Variants in TAS2R41 observed in about 807,000 individuals in gnomAD.
The protein encoded by TAS2R41 is taste 2 receptor member 41, also known as taste receptor type 2 member 41.
Under a neutral mutation model 25.1 loss-of-function variants are expected in TAS2R41, and 33 were observed. The ratio of observed to expected loss-of-function variants is 1.31; its 90% CI spans 1.00 to 1.76. The LOEUF is 1.76. Ranked by LOEUF, TAS2R41 falls within the 40% of genes most tolerant of loss-of-function variation. The pLI is 0.00. For synonymous variants in TAS2R41, 151 were observed against 151.6 expected, an observed-to-expected ratio of 1.00 and a Z score of 0.03; for missense variants, 319 against 359.4, an observed-to-expected ratio of 0.89 and a Z score of 0.91.
In TAS2R41 at chr7:143,477,946, G is replaced by A. The variant is rs1807057666; in HGVS notation, c.74G>A (p.Gly25Asp). 1.2e-6 allele frequency: 2 copies of A among 1,613,984 alleles called. No homozygotes were observed. Among genetic ancestry groups the A allele is most frequent in the Admixed American group, 1.7e-5 (1 of 59,986 alleles). Residue 25 changes from glycine to aspartate, a missense_variant, in exon 1 of 1, where the codon GGC becomes GAC. Physicochemically the swap from Gly to Asp is moderately conservative, Grantham distance 94 (BLOSUM62 -1). Transcript: ENST00000408916. The surrounding 1 kb of genome is among the most constrained non-coding windows in gnomAD (Gnocchi z 4.0). ...AGTCTTCTGGGGATTGCAGCGAATG[G>A]CTTCATTGTGCTGGTGCTGGGCAGG... is the stretch of plus-strand genomic sequence containing the variant. ...LLSLLGIAANGFIVLVLGREW... is the reference protein window; with the variant it reads ...LLSLLGIAANDFIVLVLGREW...
chr7:143,478,196 T>C lies in TAS2R41; in HGVS notation c.324T>C (p.Cys108=). 6.2e-7 allele frequency: 1 copy of C among 1,614,126 alleles called. No individual in the cohort carries two copies. Among genetic ancestry groups the C allele is most frequent in the Non-Finnish European group, 8.5e-7 (1 of 1,180,024 alleles). The change falls in exon 1 of 1, where the codon TGT becomes TGC. Residue 108 remains cysteine, a synonymous_variant. Coordinates refer to ENST00000408916, the MANE Select transcript of TAS2R41 (RefSeq NM_176883.2). The part of the protein sequence containing the change: ...WFCSWLSVLF[C]VKIANITHST... ...GCAGCTGGCTCAGTGTCCTGTTCTG[T>C]GTGAAGATTGCTAACATCACACACT...
In TAS2R41 at chr7:143,478,340, T is replaced by G; in HGVS notation, c.468T>G (p.Tyr156Ter). 6.2e-7 allele frequency: 1 copy of G among 1,614,048 alleles called. No individual in the cohort carries two copies. The highest frequency in any genetic ancestry group is 8.5e-7 in the Non-Finnish European group (1 of 1,180,008). The part of the protein sequence containing the change: ...LLFFWVNYPV[Y>*]QEFLIRKFSG... ...TTTTTTGGGTGAACTACCCTGTATA[T>G]CAAGAATTTTTAATTAGAAAATTTT... The change falls in exon 1 of 1, where the codon TAT (tyrosine) becomes TAG (stop). Residue 156 changes from tyrosine to a stop codon, truncating the protein, a stop_gained. Transcript: ENST00000408916. LOFTEE classifies it high-confidence loss of function.
In TAS2R41 at chr7:143,477,900, G is replaced by C; in HGVS notation, c.28G>C (p.Val10Leu). ...GCAAGCAGCACTGACGGCCTTCTTC[G>C]TGTTGCTCTTTAGCCTGCTGAGTCT... MQAALTAFF[V>L]LLFSLLSLLG... The change falls in exon 1 of 1, where the codon GTG (valine) becomes CTG (leucine). Residue 10 changes from valine to leucine, a missense_variant. Coordinates refer to ENST00000408916, the MANE Select transcript of TAS2R41 (RefSeq NM_176883.2). The surrounding 1 kb of genome is among the most constrained non-coding windows in gnomAD (Gnocchi z 4.0). The C allele has an allele frequency of 6.2e-7, 1 of 1,614,144 alleles. No homozygotes were observed. The highest frequency in any genetic ancestry group is 8.5e-7 in the Non-Finnish European group (1 of 1,180,028).
In TAS2R41 at chr7:143,477,995, G is replaced by C. The variant is rs1361004652; in HGVS notation, c.123G>C (p.Leu41Phe). Reference protein sequence around the residue: ...LGREWLRYGRLLPLDMILISL... With the variant: ...LGREWLRYGRFLPLDMILISL... ...GGGAGTGGCTGCGATATGGCAGGTTGCTGCCCTTGGATATGATCCTCATTA... is the reference window on the plus strand; with the variant it reads ...GGGAGTGGCTGCGATATGGCAGGTTCCTGCCCTTGGATATGATCCTCATTA... Residue 41 changes from leucine (L) to phenylalanine (F), a missense_variant, in exon 1 of 1, where the codon TTG (leucine) becomes TTC (phenylalanine). Physicochemically the swap from Leu to Phe is conservative, Grantham distance 22 (BLOSUM62 0). Transcript: ENST00000408916. The surrounding 1 kb of genome is among the most constrained non-coding windows in gnomAD (Gnocchi z 4.0). 1 of 1,614,034 alleles carries C rather than the reference G, an allele frequency of 6.2e-7. No homozygotes were observed. Among genetic ancestry groups the C allele is most frequent in the Admixed American group, 1.7e-5 (1 of 60,008 alleles).
chr7:143,478,203 A>T lies in TAS2R41; in HGVS notation c.331A>T (p.Ile111Phe), dbSNP rs1475138791. Residue 111 changes from isoleucine (I) to phenylalanine (F), a missense_variant, in exon 1 of 1, where the codon ATT becomes TTT. Transcript: ENST00000408916. ...GCTCAGTGTCCTGTTCTGTGTGAAG[A>T]TTGCTAACATCACACACTCCACCTT... ...SWLSVLFCVKIANITHSTFLW... is the reference protein window; with the variant it reads ...SWLSVLFCVKFANITHSTFLW... 1.2e-6 allele frequency: 2 copies of T among 1,613,964 alleles called. No homozygotes were observed. Among genetic ancestry groups the T allele is most frequent in the Admixed American group, 3.3e-5 (2 of 60,000 alleles).
chr7:143,477,893 C>A lies in TAS2R41; in HGVS notation c.21C>A (p.Ala7=), dbSNP rs1312853791. Residue 7 remains alanine, a synonymous_variant, in exon 1 of 1, where the codon GCC becomes GCA. Transcript: ENST00000408916. The surrounding 1 kb of genome is among the most constrained non-coding windows in gnomAD (Gnocchi z 4.0). MQAALT[A]FFVLLFSLLS... ...TCAGAATGCAAGCAGCACTGACGGC[C>A]TTCTTCGTGTTGCTCTTTAGCCTGC... 6.2e-7 allele frequency: 1 copy of A among 1,614,108 alleles called. No individual in the cohort carries two copies. Among genetic ancestry groups the A allele is most frequent in the Admixed American group, 1.7e-5 (1 of 60,014 alleles).
At position 143,478,101 on chromosome 7, in the gene TAS2R41, T is replaced by C; in HGVS notation, c.229T>C (p.Ser77Pro). 1 of 1,614,106 alleles carries C rather than the reference T, an allele frequency of 6.2e-7. No homozygotes were observed. The highest frequency in any genetic ancestry group is 8.5e-7 in the Non-Finnish European group (1 of 1,180,024). ...CTACTCTGCCCAGAAGGTCGAGTAC[T>C]CTGGGGGTCTCGGCCGACAGTTCTT... The part of the protein sequence containing the change: ...FYYSAQKVEY[S>P]GGLGRQFFHL... The change falls in exon 1 of 1, where the codon TCT (serine) becomes CCT (proline). Residue 77 changes from serine to proline, a missense_variant. By Grantham distance (74) the Ser-to-Pro change is moderately conservative (BLOSUM62 -1). Transcript: ENST00000408916.
chr7:143,478,631 T>G lies in TAS2R41; in HGVS notation c.759T>G (p.Asp253Glu). The G allele has an allele frequency of 6.2e-7, 1 of 1,614,154 alleles. No individual in the cohort carries two copies. Among genetic ancestry groups the G allele is most frequent in the Non-Finnish European group, 8.5e-7 (1 of 1,180,028 alleles). The change falls in exon 1 of 1, where the codon GAT (aspartate) becomes GAG (glutamate). Residue 253 changes from aspartate (D) to glutamate (E), a missense_variant. By Grantham distance (45) the Asp-to-Glu change is conservative. Transcript: ENST00000408916. The stretch of plus-strand genomic sequence containing the variant: ...TGTCCTTTCTGTCCCTGATCATTGA[T>G]GCCGCAAAATTTATCTCCATGCAGA... ...YALSFLSLII[D>E]AAKFISMQND...
chr7:143,478,417 C>T lies in TAS2R41; in HGVS notation c.545C>T (p.Pro182Leu), dbSNP rs376183604. 12 of 1,613,894 alleles carry T rather than the reference C, an allele frequency of 7.4e-6. No homozygotes were observed. The highest frequency in any genetic ancestry group is 5.0e-5 in the Admixed American group (3 of 59,994). The change falls in exon 1 of 1, where the codon CCA (proline) becomes CTA (leucine). Residue 182 changes from proline (P) to leucine (L), a missense_variant. Transcript: ENST00000408916. Reference sequence around the variant, plus strand: ...ACAAGGATAGAAACATACTATTTCCCATCCCTGAAACTGGTCATCTGGTCA... The same window carrying T: ...ACAAGGATAGAAACATACTATTTCCTATCCCTGAAACTGGTCATCTGGTCA... ...WNTRIETYYF[P>L]SLKLVIWSIP...
In TAS2R41 at chr7:143,478,583, C is replaced by G. The variant is rs760958210; in HGVS notation, c.711C>G (p.Ile237Met). Residue 237 changes from isoleucine to methionine, a missense_variant, in exon 1 of 1, where the codon ATC becomes ATG. Transcript: ENST00000408916. The part of the protein sequence containing the change: ...QAHTRALKSL[I>M]SFLILYALSF... ...ACACCAGAGCTCTGAAGTCCCTCAT[C>G]TCCTTCCTCATTCTTTATGCTCTGT... The G allele has an allele frequency of 2.5e-6, 4 of 1,614,180 alleles. No homozygotes were observed. Among genetic ancestry groups the G allele is most frequent in the South Asian group, 2.2e-5 (2 of 91,078 alleles).
rs1807081454 is a variant in TAS2R41, at chr7:143,478,646, C to T, written c.774C>T (p.Ile258=). The T allele has an allele frequency of 1.2e-6, 2 of 1,614,134 alleles. No homozygotes were observed. The highest frequency in any genetic ancestry group is 4.5e-5 in the East Asian group (2 of 44,866). The change falls in exon 1 of 1, where the codon ATC becomes ATT. Residue 258 remains isoleucine (I), a synonymous_variant. Transcript: ENST00000408916. ...TGATCATTGATGCCGCAAAATTTAT[C>T]TCCATGCAGAACGACTTTTACTGGC... ...LSLIIDAAKF[I]SMQNDFYWPW... is the part of the protein sequence containing the mutation.
chr7:143,477,920 G>A lies in TAS2R41; in HGVS notation c.48G>A (p.Leu16=). Reference sequence around the variant, plus strand: ...TCTTCGTGTTGCTCTTTAGCCTGCTGAGTCTTCTGGGGATTGCAGCGAATG... The same window carrying A: ...TCTTCGTGTTGCTCTTTAGCCTGCTAAGTCTTCTGGGGATTGCAGCGAATG... The part of the protein sequence containing the change: ...TAFFVLLFSL[L]SLLGIAANGF... The change falls in exon 1 of 1, where the codon CTG becomes CTA. Residue 16 remains leucine (L), a synonymous_variant. Coordinates refer to ENST00000408916, the MANE Select transcript of TAS2R41 (RefSeq NM_176883.2). The surrounding 1 kb of genome is among the most constrained non-coding windows in gnomAD (Gnocchi z 4.0). 1 of 1,614,166 alleles carries A rather than the reference G, an allele frequency of 6.2e-7. No individual in the cohort carries two copies. Among genetic ancestry groups the A allele is most frequent in the African/African-American group, 1.3e-5 (1 of 75,034 alleles).
rs937075303 is a variant in TAS2R41 at position 143,478,691 on chromosome 7, C to A, written c.819C>A (p.Tyr273Ter). ...ACTGGCCATGGCAAATTGCAGTCTA[C>A]CTGTGCATATCTGTCCATCCCTTCA... ...DFYWPWQIAV[Y>*]LCISVHPFIL... The change falls in exon 1 of 1, where the codon TAC (tyrosine) becomes TAA (stop). Residue 273 changes from tyrosine (Y) to a stop codon, truncating the protein, a stop_gained. Coordinates refer to ENST00000408916, the MANE Select transcript of TAS2R41 (RefSeq NM_176883.2). LOFTEE classifies it high-confidence loss of function. 1.9e-6 allele frequency: 3 copies of A among 1,614,006 alleles called. No homozygotes were observed. Among genetic ancestry groups the A allele is most frequent in the African/African-American group, 1.3e-5 (1 of 74,908 alleles).
rs534710446 is a variant in TAS2R41, at chr7:143,478,259, G to A, written c.387G>A (p.Trp129Ter). 1.2e-6 allele frequency: 2 copies of A among 1,613,964 alleles called. No homozygotes were observed. The highest frequency in any genetic ancestry group is 1.3e-5 in the African/African-American group (1 of 74,962). Residue 129 changes from tryptophan (W) to a stop codon, truncating the protein, a stop_gained, in exon 1 of 1, where the codon TGG becomes TGA. Coordinates refer to ENST00000408916, the MANE Select transcript of TAS2R41 (RefSeq NM_176883.2). LOFTEE classifies it high-confidence loss of function. ...GGCTGAAGTGGAGGTTCCCAGGGTG[G>A]GTGCCCTGGCTCCTGTTGGGCTCTG... ...FLWLKWRFPG[W>*]VPWLLLGSVL...
Position 143,477,932 on chromosome 7 carries a change from G to T in TAS2R41, c.60G>T (p.Gly20=). The T allele has an allele frequency of 6.2e-7, 1 of 1,614,168 alleles. No homozygotes were observed. The highest frequency in any genetic ancestry group is 8.5e-7 in the Non-Finnish European group (1 of 1,180,040). Residue 20 remains glycine (G), a synonymous_variant, in exon 1 of 1, where the codon GGG becomes GGT. Coordinates refer to ENST00000408916, the MANE Select transcript of TAS2R41 (RefSeq NM_176883.2). The surrounding 1 kb of genome is among the most constrained non-coding windows in gnomAD (Gnocchi z 4.0). The stretch of plus-strand genomic sequence containing the variant: ...TCTTTAGCCTGCTGAGTCTTCTGGG[G>T]ATTGCAGCGAATGGCTTCATTGTGC... ...VLLFSLLSLL[G]IAANGFIVLV...
At position 143,478,537 on chromosome 7, in the gene TAS2R41, A is replaced by G. The variant is rs371343339; in HGVS notation, c.665A>G (p.Gln222Arg). 46 of 1,614,000 alleles carry G rather than the reference A, an allele frequency of 2.9e-5. No individual in the cohort carries two copies. The highest frequency in any genetic ancestry group is 3.6e-5 in the Non-Finnish European group (43 of 1,180,030). ...QRMQHNGHSL[Q>R]DPSTQAHTRA... is the part of the protein sequence containing the mutation. ...ATGCAGCACAACGGGCACAGCCTGC[A>G]GGACCCCAGCACCCAGGCTCACACC... The change falls in exon 1 of 1, where the codon CAG becomes CGG. Residue 222 changes from glutamine to arginine, a missense_variant. By Grantham distance (43) the Gln-to-Arg change is conservative. Coordinates refer to ENST00000408916, the MANE Select transcript of TAS2R41 (RefSeq NM_176883.2).
Position 143,478,725 on chromosome 7 carries a change from T to A in TAS2R41, c.853T>A (p.Phe285Ile), listed in dbSNP as rs773580260. ...ATCTGTCCATCCCTTCATCCTCATCTTCAGCAACCTCAAGCTTCGAAGCGT... is the reference window on the plus strand; with the variant it reads ...ATCTGTCCATCCCTTCATCCTCATCATCAGCAACCTCAAGCTTCGAAGCGT... Reference protein sequence around the residue: ...CISVHPFILIFSNLKLRSVFS... With the variant: ...CISVHPFILIISNLKLRSVFS... Residue 285 changes from phenylalanine to isoleucine, a missense_variant, in exon 1 of 1, where the codon TTC becomes ATC. By Grantham distance (21) the Phe-to-Ile change is conservative (BLOSUM62 0). Transcript: ENST00000408916. 43 of 1,614,172 alleles carry A rather than the reference T, an allele frequency of 2.7e-5. No homozygotes were observed. The highest frequency in any genetic ancestry group is 3.6e-5 in the Non-Finnish European group (43 of 1,180,034).
rs755126600 is a variant in TAS2R41, at chr7:143,478,120, A to T, written c.248A>T (p.Gln83Leu). ...KVEYSGGLGR[Q>L]FFHLHWHFLN... is the part of the protein sequence containing the mutation. ...GAGTACTCTGGGGGTCTCGGCCGAC[A>T]GTTCTTCCATCTACACTGGCACTTC... Residue 83 changes from glutamine (Q) to leucine (L), a missense_variant, in exon 1 of 1, where the codon CAG (glutamine) becomes CTG (leucine). Physicochemically the swap from Gln to Leu is moderately radical, Grantham distance 113 (BLOSUM62 -2). Coordinates refer to ENST00000408916, the MANE Select transcript of TAS2R41 (RefSeq NM_176883.2). 3 of 1,614,060 alleles carry T rather than the reference A, an allele frequency of 1.9e-6. No homozygotes were observed. Among genetic ancestry groups the T allele is most frequent in the Non-Finnish European group, 1.7e-6 (2 of 1,180,012 alleles).
chr7:143,478,182 A>G lies in TAS2R41; in HGVS notation c.310A>G (p.Ser104Gly), dbSNP rs745318041. 6.2e-6 allele frequency: 10 copies of G among 1,613,942 alleles called. No individual in the cohort carries two copies. The South Asian group carries it at 9.9e-5, about 16-fold the overall frequency. The change falls in exon 1 of 1, where the codon AGT becomes GGT. Residue 104 changes from serine (S) to glycine (G), a missense_variant. Ser to Gly is a moderately conservative substitution (Grantham distance 56). Transcript: ENST00000408916. ...SATFWFCSWLSVLFCVKIANI... is the reference protein window; with the variant it reads ...SATFWFCSWLGVLFCVKIANI... The stretch of plus-strand genomic sequence containing the variant: ...CACCTTCTGGTTTTGCAGCTGGCTC[A>G]GTGTCCTGTTCTGTGTGAAGATTGC...
Sources: gnomAD v4.1 joint callset for allele counts on GRCh38, gnomAD v4.1.1 for gene constraint, Gnocchi (gnomAD v3.1) non-coding constraint, MANE v1.5 for transcripts, NCBI Gene and HGNC (gene_info 2026-07-23, HGNC 2026-07-21) for gene names.